The following KNL1 variants were observed in gnomAD, a reference collection of about 807,000 sequenced individuals.
KNL1 encodes kinetochore scaffold 1, also known as outer kinetochore KNL1 complex subunit KNL1.
KNL1 carries 66 observed loss-of-function variants against 201.3 expected under a neutral mutation model. The ratio of observed to expected loss-of-function variants is 0.33; its 90% confidence interval spans 0.27 to 0.40. The LOEUF (loss-of-function observed/expected upper bound fraction) is 0.40. KNL1 is among the 10% of genes least tolerant of loss of function. KNL1 has a pLI of 1.00. For synonymous variants in KNL1, 895 were observed against 899.2 expected, an observed-to-expected ratio of 1.00 and a Z score of 0.08; for missense variants, 2,815 against 2,690.5, an observed-to-expected ratio of 1.05 and a Z score of -1.02.
chr15:40,619,213 G>A (rs1418886395), intron 9 of KNL1, among the ~76,000 whole-genome samples: 3 of 151,958 alleles, frequency 2.0e-5, no homozygotes, highest in African/African-American at 7.3e-5. Flanking sequence ...CAGTATACCA[G>A]TACCTCTCAA....
chr15:40,652,735 C>G (rs551956741), intron 21 of KNL1, among the ~76,000 whole-genome samples: 17 of 131,848 alleles, frequency 1.3e-4, no homozygotes, highest in African/African-American at 4.7e-4. Flanking sequence ...TGCACTCCAG[C>G]CTGGGCAACA....
At position 40,624,296 on chromosome 15, in the gene KNL1, T is replaced by G; in HGVS notation, c.4032T>G (p.Asp1344Glu). The change falls in exon 10 of 26, where the codon GAT (aspartate) becomes GAG (glutamate). Residue 1344 changes from aspartate to glutamate, a missense_variant. Around this residue, in one of 3 missense-constraint regions of KNL1, gnomAD observed 2,464 missense variants for 2,291.7 expected, o/e 1.08. Transcript: ENST00000399668. ...PVQNDLAYAN[D>E]FASEYYLESE... is the part of the protein sequence containing the mutation. ...AAAATGATCTTGCTTATGCAAATGA[T>G]TTTGCCAGTGAATATTACTTGGAAT... 6.2e-7 allele frequency: 1 copy of G among 1,614,096 alleles called. No homozygotes were observed. The highest frequency in any genetic ancestry group is 1.1e-5 in the South Asian group (1 of 91,084).
intron 13 of KNL1, among the ~76,000 whole-genome samples, chr15:40,633,085 T>A (rs1892958978): frequency 6.6e-6 from 1 of 151,904 alleles, no homozygotes; most frequent in Non-Finnish European, 1.5e-5. Context: ...TTCCAGTGCT[T>A]TGGGAGGCCA....
intron 5 of KNL1, among the ~76,000 whole-genome samples, chr15:40,609,142 T>G (rs1027972608): frequency 6.6e-6 from 1 of 151,148 alleles, no homozygotes; most frequent in South Asian, 2.1e-4. Flanking sequence ...GTGTGCTGGC[T>G]CACGCCTGTA....
chr15:40,652,135 A>T, intron 21 of KNL1, 30 bp downstream of exon 21: 1 of 1,425,348 alleles, frequency 7.0e-7, no homozygotes, highest in Non-Finnish European at 9.9e-7. Flanking sequence ...TAATTCTTTT[A>T]CAGAAAAATG....
chr15:40,662,265 T>C lies in KNL1; in HGVS notation c.*77T>C. The C allele has an allele frequency of 1.2e-6, 1 of 803,516 alleles. No homozygotes were observed. The highest frequency in any genetic ancestry group is 2.1e-6 in the Non-Finnish European group (1 of 467,350). 49.8% of individuals were successfully genotyped at this position (803,516 alleles called of 1,614,324 possible). A position where few individuals can be genotyped will look rare whatever the true frequency, so the allele number is the denominator to read the frequency against. ...CAGGGTCCCATTGCTGTTCAGCCTT[T>C]GTTTTTACGTCATTACAAGCTGAGT... On this transcript the variant is annotated 3_prime_UTR_variant, in exon 26 of 26. Transcript: ENST00000399668.
rs1295183651 is a variant in KNL1 at position 40,603,040 on chromosome 15, TC to T, written c.35+76del. 1.7e-5 allele frequency: 16 copies of T among 932,902 alleles called. No individual in the cohort carries two copies. In the African/African-American group the frequency reaches 2.0e-4, roughly 12 times the overall value. The allele number at this position is 932,902 out of a possible 1,614,324, so 57.8% of individuals were successfully genotyped here. On this transcript the variant is annotated intron_variant, in intron 2 of 25. Coordinates refer to ENST00000399668, the MANE Select transcript of KNL1 (RefSeq NM_144508.5). Reference sequence around the variant, plus strand: ...ATATTTTTCTAATTAGTAAGACCTATCCATAACTTCTGAGATCTTTTTCCAT... The same window carrying T: ...ATATTTTTCTAATTAGTAAGACCTATCATAACTTCTGAGATCTTTTTCCAT...
At chr15:40,632,926 T>C (rs930085755) in intron 13 of KNL1, among the ~76,000 whole-genome samples, 70 of 152,190 alleles carry the variant, frequency 4.6e-4, no homozygotes, top group African/African-American at 1.6e-3. Context: ...ACGACCCAAT[T>C]TAAAAATGAT....
chr15:40,648,398 C>G (rs1454369641), intron 17 of KNL1, among the ~76,000 whole-genome samples: 2 of 152,114 alleles, frequency 1.3e-5, no homozygotes, highest in Non-Finnish European at 2.9e-5. Flanking sequence ...CACCACTGCA[C>G]TCCAGCCTGT....
Position 40,621,255 on chromosome 15 carries a change from C to A in KNL1, c.991C>A (p.Pro331Thr), listed in dbSNP as rs1320453668. 6.2e-6 allele frequency: 10 copies of A among 1,613,826 alleles called. No individual in the cohort carries two copies. The highest frequency in any genetic ancestry group is 6.8e-6 in the Non-Finnish European group (8 of 1,179,862). Reference protein sequence around the residue: ...LTFNHTLQILPATGNFSEIEN... With the variant: ...LTFNHTLQILTATGNFSEIEN... ...ATTTAACCACACTTTGCAGATCTTA[C>A]CTGCAACAGGTAATTTTTCTGAAAT... Residue 331 changes from proline (P) to threonine (T), a missense_variant, in exon 10 of 26, where the codon CCT (proline) becomes ACT (threonine). By Grantham distance (38) the Pro-to-Thr change is conservative. This residue lies in a region of KNL1 where 2,464 missense variants were observed against 2,291.7 expected (regional missense o/e 1.08). Coordinates refer to ENST00000399668, the MANE Select transcript of KNL1 (RefSeq NM_144508.5).
intron 8 of KNL1, among the ~76,000 whole-genome samples, chr15:40,616,821 G>A (rs1243732464): frequency 6.6e-6 from 1 of 152,096 alleles, no homozygotes; most frequent in African/African-American, 2.4e-5. Flanking sequence ...TTATCACTTG[G>A]CCTGTTTTCT....
chr15:40,650,457 A>T, intron 18 of KNL1, 79 bp downstream of exon 18: 1 of 1,565,552 alleles, frequency 6.4e-7, no homozygotes, highest in Admixed American at 1.9e-5. Flanking sequence ...CTTTGGTGAG[A>T]TTAAGTCAGA....
intron 7 of KNL1, among the ~76,000 whole-genome samples, chr15:40,612,330 A>C (rs1443180760): frequency 2.8e-4 from 42 of 148,912 alleles, no homozygotes; most frequent in Non-Finnish European, 4.5e-5. Context: ...AAACAAAAAA[A>C]ACCCCAAAAA....
Position 40,664,011 on chromosome 15 carries a change from A to G in KNL1, c.*1823A>G, listed in dbSNP as rs1893985887. On this transcript the variant is annotated 3_prime_UTR_variant, in exon 26 of 26. Coordinates refer to ENST00000399668, the MANE Select transcript of KNL1 (RefSeq NM_144508.5). ...TTCTGTTCCGTAAACTCCTTGAAAA[A>G]CATTTTAAAGTCATCAATATGATCT... 1 of 185,184 alleles carries G rather than the reference A, an allele frequency of 5.4e-6. No homozygotes were observed. The highest frequency in any genetic ancestry group is 2.3e-5 in the African/African-American group (1 of 42,676). 11.5% of individuals were successfully genotyped at this position (185,184 alleles called of 1,614,324 possible).
Position 40,610,287 on chromosome 15 carries a change from A to G in KNL1, c.240A>G (p.Ser80=), listed in dbSNP as rs1207768830. Residue 80 remains serine (S), a synonymous_variant, in exon 6 of 26, where the codon TCA becomes TCG. Transcript: ENST00000399668. ...CTCATATGAAAATAGTGAGAAAGTC[A>G]GAAATGGAAGGTAAGTATGTTACTA... The part of the protein sequence containing the change: ...TESHMKIVRK[S]EMEETETGEN... 5 of 1,504,974 alleles carry G rather than the reference A, an allele frequency of 3.3e-6. No homozygotes were observed. Among genetic ancestry groups the G allele is most frequent in the Non-Finnish European group, 4.6e-6 (5 of 1,081,674 alleles). 93.2% of individuals were successfully genotyped at this position (1,504,974 alleles called of 1,614,324 possible).
intron 20 of KNL1, among the ~76,000 whole-genome samples, 190 bp downstream of exon 20, chr15:40,651,762 C>T (rs939570041): frequency 4.6e-5 from 7 of 152,112 alleles, no homozygotes; most frequent in Non-Finnish European, 8.8e-5. Flanking sequence ...TATAATTTTT[C>T]CATATTTTAT....
intron 24 of KNL1, 31 bp from the exon 25 acceptor site, chr15:40,659,308 C>T: frequency 6.4e-7 from 1 of 1,559,872 alleles, no homozygotes; most frequent in Non-Finnish European, 8.7e-7. Flanking sequence ...TTATTTGTTG[C>T]ATTTTTAATT....
chr15:40,606,247 C>T (rs530658349), intron 3 of KNL1, 146 bp from the exon 4 acceptor site: 30 of 548,732 alleles, frequency 5.5e-5, no homozygotes, highest in Middle Eastern at 4.9e-4. Context: ...ATCTGCCACA[C>T]GGTATAGCAT....
At position 40,608,910 on chromosome 15, in the gene KNL1, T is replaced by C; in HGVS notation, c.197+2T>C. 6.2e-7 allele frequency: 1 copy of C among 1,603,920 alleles called. No individual in the cohort carries two copies. The highest frequency in any genetic ancestry group is 8.5e-7 in the Non-Finnish European group (1 of 1,172,916). On this transcript the variant is annotated splice_donor_variant, in intron 5 of 25. Transcript: ENST00000399668. LOFTEE classifies it high-confidence loss of function. ...AGTCAGCTTTGCAGATACTATAAAG[T>C]AAGTTGAAAGCAGAAATAACTAAAA...
Sources: gnomAD v4.1 joint callset for allele counts (sites outside exome capture counted in the v4.1 genomes callset) on GRCh38, gnomAD v4.1.1 for gene constraint, gnomAD v4.1.1 regional missense constraint, MANE v1.5 for transcripts, NCBI Gene and HGNC (gene_info 2026-07-23, HGNC 2026-07-21) for gene names.